The following HNRNPH2 variants were observed in gnomAD, a reference collection of about 807,000 sequenced individuals.
The protein encoded by HNRNPH2 is FTP-3.
For missense variants in HNRNPH2, 115 were observed against 352.9 expected, an observed-to-expected ratio of 0.33 and a Z score of 5.40; for synonymous variants, 128 against 128.2, an observed-to-expected ratio of 1.00 and a Z score of 0.01.
chrX:101,408,628 A>G (rs1434868896), intron 1 of HNRNPH2, among the ~76,000 whole-genome samples: 8 of 111,192 alleles, frequency 7.2e-5, no homozygotes, highest in African/African-American at 2.6e-4. Flanking sequence ...AAAAACAGAT[A>G]CTGAAAATAG....
At chrX:101,409,817 AT>A (rs1928722165) in intron 1 of HNRNPH2, among the ~76,000 whole-genome samples, 1 of 111,608 alleles carries the variant, frequency 9.0e-6, no homozygotes, top group African/African-American at 3.3e-5. Flanking sequence ...TATTTAATGT[AT>A]TTTGGAGATC....
At position 101,413,991 on chromosome X, in the gene HNRNPH2, A is replaced by G. The variant is rs1348690056; in HGVS notation, c.*653A>G. On this transcript the variant is annotated 3_prime_UTR_variant, in exon 2 of 2. Coordinates refer to ENST00000316594, the MANE Select transcript of HNRNPH2 (RefSeq NM_019597.5). Reference sequence around the variant, plus strand: ...GGGACAATTTTAAGATGTAATACCAATACTTTAGAAGTTTGGTCGTGTCGT... The same window carrying G: ...GGGACAATTTTAAGATGTAATACCAGTACTTTAGAAGTTTGGTCGTGTCGT... 8.2e-6 allele frequency: 1 copy of G among 121,487 alleles called. No individual in the cohort carries two copies. Among genetic ancestry groups the G allele is most frequent in the Admixed American group, 9.7e-5 (1 of 10,281 alleles). 10.0% of individuals were successfully genotyped at this position (121,487 alleles called of 1,213,427 possible). A position where few individuals can be genotyped will look rare whatever the true frequency, so the allele number is the denominator to read the frequency against.
chrX:101,410,519 A>G (rs1287896932), intron 1 of HNRNPH2, among the ~76,000 whole-genome samples: 1 of 112,157 alleles, frequency 8.9e-6, no homozygotes, highest in Non-Finnish European at 1.9e-5. Context: ...ATCCTCCTAT[A>G]CCTGTATTCT....
At position 101,413,370 on chromosome X, in the gene HNRNPH2, A is replaced by G. The variant is rs1555988598; in HGVS notation, c.*32A>G. 9.0e-7 allele frequency: 1 copy of G among 1,107,018 alleles called. No homozygotes were observed. The allele number at this position is 1,107,018 out of a possible 1,213,427, so 91.2% of individuals were successfully genotyped here. ...AAGGAGCACTAAATAGCTACTCCAG[A>G]TATAAAAGCTGTACATTTGTGGGAG... On this transcript the variant is annotated 3_prime_UTR_variant, in exon 2 of 2. Coordinates refer to ENST00000316594, the MANE Select transcript of HNRNPH2 (RefSeq NM_019597.5).
In HNRNPH2 at chrX:101,413,425, A is replaced by G; in HGVS notation, c.*87A>G. On this transcript the variant is annotated 3_prime_UTR_variant, in exon 2 of 2. Coordinates refer to ENST00000316594, the MANE Select transcript of HNRNPH2 (RefSeq NM_019597.5). Reference sequence around the variant, plus strand: ...ATAGAATGGGAGGGATGTTTAGTATATCCAGTATGATTGGTAAATGGGAAA... The same window carrying G: ...ATAGAATGGGAGGGATGTTTAGTATGTCCAGTATGATTGGTAAATGGGAAA... 1.4e-6 allele frequency: 1 copy of G among 715,299 alleles called. No individual in the cohort carries two copies. Among genetic ancestry groups the G allele is most frequent in the South Asian group, 3.0e-5 (1 of 32,881 alleles). The allele number at this position is 715,299 out of a possible 1,213,427, so 58.9% of individuals were successfully genotyped here. A position where few individuals can be genotyped will look rare whatever the true frequency, so the allele number is the denominator to read the frequency against.
chrX:101,408,955 A>G (rs1029898168), intron 1 of HNRNPH2, among the ~76,000 whole-genome samples: 1 of 111,935 alleles, frequency 8.9e-6, no homozygotes, highest in Non-Finnish European at 1.9e-5. Flanking sequence ...AAAAATGTGT[A>G]TAACACACAT....
chrX:101,409,106 A>G (rs1928680661), intron 1 of HNRNPH2, among the ~76,000 whole-genome samples: 1 of 106,862 alleles, frequency 9.4e-6, no homozygotes, highest in African/African-American at 3.5e-5. Flanking sequence ...AGAGCGGTGC[A>G]GGGAATTAAA....
At chrX:101,408,690 T>TGTC (rs1283995480) in intron 1 of HNRNPH2, among the ~76,000 whole-genome samples, 2 of 111,427 alleles carry the variant, frequency 1.8e-5, no homozygotes, top group Non-Finnish European at 3.8e-5. Flanking sequence ...ACTGCCTGAT[T>TGTC]GTCTGTAAGG....
In HNRNPH2 at chrX:101,414,052, C is replaced by A. The variant is rs1253119400; in HGVS notation, c.*714C>A. 4 of 120,538 alleles carry A rather than the reference C, an allele frequency of 3.3e-5. No homozygotes were observed. The highest frequency in any genetic ancestry group is 5.7e-5 in the Non-Finnish European group (3 of 52,711). The allele number at this position is 120,538 out of a possible 1,213,427, so 9.9% of individuals were successfully genotyped here. A position where few individuals can be genotyped will look rare whatever the true frequency, so the allele number is the denominator to read the frequency against. The stretch of plus-strand genomic sequence containing the variant: ...ATCTGAGGCTTTGGTTTAAATCTTT[C>A]CTTGTATTGTGATTTCCATTTAGAT... On this transcript the variant is annotated 3_prime_UTR_variant, in exon 2 of 2. Transcript: ENST00000316594.
At chrX:101,410,556 C>T (rs782135517) in intron 1 of HNRNPH2, among the ~76,000 whole-genome samples, 1 of 112,273 alleles carries the variant, frequency 8.9e-6, no homozygotes, top group South Asian at 3.7e-4. Context: ...TATCAAGTCC[C>T]GCAGATTCCA....
At chrX:101,410,743 G>A (rs782344039) in intron 1 of HNRNPH2, among the ~76,000 whole-genome samples, 1 of 111,522 alleles carries the variant, frequency 9.0e-6, no homozygotes, top group Non-Finnish European at 1.9e-5. Flanking sequence ...GAGTTTTGGT[G>A]AAGTCACCCT....
At position 101,414,123 on chromosome X, in the gene HNRNPH2, A is replaced by C. The variant is rs1928888264; in HGVS notation, c.*785A>C. On this transcript the variant is annotated 3_prime_UTR_variant, in exon 2 of 2. Coordinates refer to ENST00000316594, the MANE Select transcript of HNRNPH2 (RefSeq NM_019597.5). ...TGTTAAATAAATCTTCCTTTTAAAA[A>C]CTGGAAAAAATCTTGAACTGATTGA... 8.2e-6 allele frequency: 1 copy of C among 121,683 alleles called. No individual in the cohort carries two copies. The allele number at this position is 121,683 out of a possible 1,213,427, so 10.0% of individuals were successfully genotyped here.
chrX:101,408,408 C>G (rs1335832533), intron 1 of HNRNPH2, 89 bp downstream of exon 1: 7 of 162,777 alleles, frequency 4.3e-5, no homozygotes, highest in Non-Finnish European at 8.3e-5. Flanking sequence ...CTCTTTCGTT[C>G]TCTGCTTTCC....
Position 101,412,033 on chromosome X carries a change from C to G in HNRNPH2, c.45C>G (p.Val15=). 8.3e-7 allele frequency: 1 copy of G among 1,209,837 alleles called. No individual in the cohort carries two copies. Among genetic ancestry groups the G allele is most frequent in the Admixed American group, 2.2e-5 (1 of 45,733 alleles). Residue 15 remains valine (V), a synonymous_variant, in exon 2 of 2, where the codon GTC becomes GTG. Transcript: ENST00000316594. ...TEGREGFVVK[V]RGLPWSCSAD... ...GCAGGGAGGGGTTCGTGGTGAAGGT[C>G]AGGGGCCTACCCTGGTCCTGCTCAG...
chrX:101,412,658 A>C lies in HNRNPH2; in HGVS notation c.670A>C (p.Arg224=), dbSNP rs1555988442. Residue 224 remains arginine (R), a synonymous_variant, in exon 2 of 2, where the codon AGA becomes CGA. Transcript: ENST00000316594. ...GAGRGYNSIG[R]GAGFERMRRG... ...TGGCAGAGGGTATAATAGCATTGGC[A>C]GAGGAGCTGGGTTTGAAAGGATGAG... The C allele has an allele frequency of 3.5e-5, 42 of 1,209,497 alleles. No homozygotes were observed. In the East Asian group the frequency reaches 1.2e-3, roughly 36 times the overall value.
At chrX:101,408,954 T>A (rs997038811) in intron 1 of HNRNPH2, among the ~76,000 whole-genome samples, 1 of 111,745 alleles carries the variant, frequency 8.9e-6, no homozygotes, top group Admixed American at 9.5e-5. Context: ...AAAAAATGTG[T>A]ATAACACACA....
rs1396977581 is a variant in HNRNPH2, at chrX:101,414,006, G to A, written c.*668G>A. 1.7e-5 allele frequency: 2 copies of A among 120,648 alleles called. No homozygotes were observed. Among genetic ancestry groups the A allele is most frequent in the African/African-American group, 6.7e-5 (2 of 30,037 alleles). 9.9% of individuals were successfully genotyped at this position (120,648 alleles called of 1,213,427 possible). ...TGTAATACCAATACTTTAGAAGTTT[G>A]GTCGTGTCGTTTGTATGAAAATCTG... On this transcript the variant is annotated 3_prime_UTR_variant, in exon 2 of 2. Coordinates refer to ENST00000316594, the MANE Select transcript of HNRNPH2 (RefSeq NM_019597.5).
chrX:101,408,831 CTACA>C (rs782567148), intron 1 of HNRNPH2, among the ~76,000 whole-genome samples: 4 of 112,035 alleles, frequency 3.6e-5, no homozygotes, highest in Non-Finnish European at 5.6e-5. Context: ...TAACAACAAT[CTACA>C]TATTCAATTT....
chrX:101,411,904 C>T (rs782587201), intron 1 of HNRNPH2, 32 bp from the exon 2 acceptor site: 8 of 1,119,161 alleles, frequency 7.1e-6, no homozygotes, highest in Non-Finnish European at 8.2e-6. Flanking sequence ...AGCATTTTTC[C>T]ATGACAGTAG....
Sources: allele counts gnomAD v4.1 joint callset (sites outside exome capture counted in the v4.1 genomes callset), GRCh38; gene constraint gnomAD v4.1.1; transcripts MANE v1.5; gene names NCBI Gene and HGNC (gene_info 2026-07-23, HGNC 2026-07-21).